PDE1A: variants seen among roughly 807,000 people sequenced by gnomAD.
PDE1A encodes phosphodiesterase 1A.
A neutral mutation model predicts 61.7 loss-of-function variants in PDE1A; 35 were observed. The ratio of observed to expected loss-of-function variants is 0.57; its 90% CI spans 0.43 to 0.75. The LOEUF is 0.75. Ranked by LOEUF, PDE1A falls within the 30% of genes least tolerant of loss-of-function variation. The pLI, the probability that PDE1A is intolerant of heterozygous loss-of-function variation, is 0.00. For synonymous variants in PDE1A, 232 were observed against 213.2 expected (o/e 1.09, Z -0.77); for missense variants, 597 against 630.6 (o/e 0.95, Z 0.57).
chr2:182,625,948 A>G, the PDE1A span, among the ~76,000 whole-genome samples: 338 of 152,312 alleles, frequency 2.2e-3, no homozygotes, highest in Non-Finnish European at 3.3e-3. Context: ...AAAGATTTAC[A>G]GGGATAAAAT....
exon 13 of PDE1A, chr2:182,185,906 T>C (rs1195326334): frequency 6.2e-7 from 1 of 1,613,846 alleles, no homozygotes; most frequent in Admixed American, 1.7e-5. Context: ...TGCAGCTAAC[T>C]CTTTCCACCT....
At chr2:182,426,836 G>T in exon 1 of PDE1A, 1 of 1,386,806 alleles carries the variant, frequency 7.2e-7, no homozygotes, top group Non-Finnish European at 9.3e-7. Flanking sequence ...AGACAGGCAC[G>T]TTGGGGCACT....
chr2:182,403,598 C>CAAAAAAAAAAAAAAAAAAAAAA (rs548993514), intron 1 of PDE1A, among the ~76,000 whole-genome samples: 25 of 77,560 alleles, frequency 3.2e-4, no homozygotes, highest in African/African-American at 1.3e-3. Flanking sequence ...GACTCCGTCT[C>CAAAAAAAAAAAAAAAAAAAAAA]AAAAAAAAAA....
intron 1 of PDE1A, among the ~76,000 whole-genome samples, chr2:182,362,809 T>G (rs1699586257): frequency 6.6e-6 from 1 of 151,944 alleles, no homozygotes; most frequent in Non-Finnish European, 1.5e-5. Flanking sequence ...AGACATAGAA[T>G]CAACCTAAAT....
At chr2:182,325,567 T>C (rs833176) in intron 1 of PDE1A, among the ~76,000 whole-genome samples, 98,889 of 151,970 alleles carry the variant, frequency 0.65, 33,777 homozygotes, top group Middle Eastern at 0.79. Flanking sequence ...AATCACATGT[T>C]TAATAAGAGA....
chr2:182,574,546 A>G, the PDE1A span, among the ~76,000 whole-genome samples: 1 of 152,216 alleles, frequency 6.6e-6, no homozygotes, highest in South Asian at 2.1e-4. Context: ...AGTTAACAAT[A>G]CTTAAATGCT....
At chr2:182,631,555 A>T in the PDE1A span, among the ~76,000 whole-genome samples, 3 of 152,158 alleles carry the variant, frequency 2.0e-5, no homozygotes, top group Non-Finnish European at 2.9e-5. Context: ...CCCCAGAAAC[A>T]ATGTTTCACC....
chr2:182,500,070 T>A (rs1688998526), intron 2 of PDE1A, among the ~76,000 whole-genome samples: 1 of 152,170 alleles, frequency 6.6e-6, no homozygotes, highest in African/African-American at 2.4e-5. Flanking sequence ...GATGGTAATA[T>A]ATTGAAGGGT....
At chr2:182,282,961 T>C (rs1693910973) in intron 1 of PDE1A, among the ~76,000 whole-genome samples, 1 of 152,032 alleles carries the variant, frequency 6.6e-6, no homozygotes, top group Non-Finnish European at 1.5e-5. Flanking sequence ...GAGGCATGTC[T>C]AAAACAAGCA....
chr2:182,251,606 T>C (rs1416537420), intron 2 of PDE1A, among the ~76,000 whole-genome samples: 2 of 152,232 alleles, frequency 1.3e-5, no homozygotes, highest in African/African-American at 4.8e-5. Flanking sequence ...CAATGACTAC[T>C]AAGGTTTGAG....
At chr2:182,458,319 T>C (rs905447958) in intron 2 of PDE1A, among the ~76,000 whole-genome samples, 2 of 152,090 alleles carry the variant, frequency 1.3e-5, no homozygotes, top group African/African-American at 4.8e-5. Flanking sequence ...TCATTCCTTA[T>C]TATCTGAATT....
At chr2:182,353,997 A>T (rs1481467442) in intron 1 of PDE1A, among the ~76,000 whole-genome samples, 1 of 152,126 alleles carries the variant, frequency 6.6e-6, no homozygotes, top group Non-Finnish European at 1.5e-5. Flanking sequence ...TGCAACCATA[A>T]GACTTTAGTC....
At chr2:182,462,439 T>C (rs1469491889) in intron 2 of PDE1A, among the ~76,000 whole-genome samples, 1 of 151,950 alleles carries the variant, frequency 6.6e-6, no homozygotes, top group South Asian at 2.1e-4. Flanking sequence ...ACCAGACTCT[T>C]GGTGTTTAAC....
the PDE1A span, among the ~76,000 whole-genome samples, chr2:182,673,955 T>C: frequency 1.3e-5 from 2 of 149,692 alleles, no homozygotes; most frequent in Admixed American, 6.7e-5. Flanking sequence ...GTGATTCTTA[T>C]AGAGTACTTA....
the PDE1A span, among the ~76,000 whole-genome samples, chr2:182,576,201 A>G: frequency 6.6e-6 from 1 of 152,214 alleles, no homozygotes; most frequent in African/African-American, 2.4e-5. Flanking sequence ...CTCTGCACCC[A>G]TGAATCCAAA....
the PDE1A span, among the ~76,000 whole-genome samples, chr2:182,695,115 A>G: frequency 6.6e-6 from 1 of 152,126 alleles, no homozygotes; most frequent in Admixed American, 6.5e-5. Flanking sequence ...TTAAATTTTT[A>G]TTCCTCGCAT....
chr2:182,340,642 T>TTA (rs1382450080), intron 1 of PDE1A, among the ~76,000 whole-genome samples: 3 of 152,190 alleles, frequency 2.0e-5, no homozygotes, highest in African/African-American at 7.2e-5. Flanking sequence ...CATGACTATG[T>TTA]TATATATAAA....
chr2:182,182,764 G>A (rs1684876235), intron 13 of PDE1A, among the ~76,000 whole-genome samples: 2 of 151,258 alleles, frequency 1.3e-5, no homozygotes, highest in African/African-American at 2.4e-5. Context: ...CCTAGATAAT[G>A]TGGTAGCCAA....
At position 182,404,746 on chromosome 2, in the gene PDE1A, T is replaced by A. The variant is rs994303544; in HGVS notation, c.53+21832A>T. On this transcript the variant is annotated intron_variant, in intron 1 of 13. Coordinates refer to ENST00000351439, the Ensembl canonical transcript of PDE1A. ...ATAATATCACTGTCTTCCTCCTCCA[T>A]ATCTTGTCCCCATGGAAGTTTTTTG... 6.6e-5 allele frequency among the ~76,000 whole-genome samples: 10 copies of A among 152,314 alleles called. No homozygotes were observed. The East Asian group carries it at 1.9e-3, about 29-fold the overall frequency.
Sources: gnomAD v4.1 joint callset for allele counts (sites outside exome capture counted in the v4.1 genomes callset) on GRCh38, gnomAD v4.1.1 for gene constraint, MANE v1.5 for transcripts, NCBI Gene and HGNC (gene_info 2026-07-23, HGNC 2026-07-21) for gene names.